The following TBC1D5 variants were observed in gnomAD, a reference collection of about 807,000 sequenced individuals.
The protein encoded by TBC1D5 is TBC1 domain family, member 5.
In TBC1D5, 75 loss-of-function variants were observed where a neutral mutation model predicts 100.3. That is an observed-to-expected ratio of 0.75 (90% CI 0.62 to 0.91). The LOEUF (loss-of-function observed/expected upper bound fraction) is 0.91, where lower values mean the gene tolerates loss of function less well. TBC1D5 is among the 40% of genes least tolerant of loss of function. The probability of loss-of-function intolerance (pLI) is 0.00; values close to 1 mark genes in which losing one functional copy is unlikely to be tolerated. For synonymous variants in TBC1D5, 323 were observed against 325.6 expected (o/e 0.99, Z 0.09); for missense variants, 910 against 942.4 (o/e 0.97, Z 0.45).
At chr3:17,672,372 G>T (rs1480704677) in intron 1 of TBC1D5, among the ~76,000 whole-genome samples, 2 of 152,068 alleles carry the variant, frequency 1.3e-5, no homozygotes, top group African/African-American at 4.8e-5. Context: ...TTAACTGAAA[G>T]AATTATATAC....
chr3:17,638,921 T>C (rs933219230), intron 1 of TBC1D5, among the ~76,000 whole-genome samples: 1 of 152,116 alleles, frequency 6.6e-6, no homozygotes, highest in Non-Finnish European at 1.5e-5. Context: ...AATGGGAGTG[T>C]GTAACAGTAT....
chr3:17,738,347 G>C (rs553723219), intron 1 of TBC1D5, among the ~76,000 whole-genome samples: 1 of 152,078 alleles, frequency 6.6e-6, no homozygotes, highest in Non-Finnish European at 1.5e-5. Flanking sequence ...TCACTTACGT[G>C]ATAGCATTAA....
At chr3:17,273,063 C>A (rs1266634975) in intron 15 of TBC1D5, among the ~76,000 whole-genome samples, 1 of 152,102 alleles carries the variant, frequency 6.6e-6, no homozygotes, top group Non-Finnish European at 1.5e-5. Context: ...TCTGAAAGAG[C>A]ACTTTAATTT....
At chr3:17,473,884 C>T (rs1207643806) in intron 3 of TBC1D5, among the ~76,000 whole-genome samples, 2 of 147,912 alleles carry the variant, frequency 1.4e-5, no homozygotes, top group African/African-American at 5.2e-5. Flanking sequence ...TTAGTTTTTA[C>T]TTTACTTTTT....
At chr3:17,681,283 T>C (rs2069433485) in intron 1 of TBC1D5, among the ~76,000 whole-genome samples, 1 of 151,680 alleles carries the variant, frequency 6.6e-6, no homozygotes, top group Non-Finnish European at 1.5e-5. Context: ...TAAGATTTAT[T>C]GCACAAGAAT....
At chr3:17,596,700 CAAAAAAAAAAAAA>C (rs34625799) in intron 2 of TBC1D5, among the ~76,000 whole-genome samples, 1 of 44,940 alleles carries the variant, frequency 2.2e-5, no homozygotes, top group South Asian at 7.9e-4. Flanking sequence ...GACTCCATCT[CAAAAAAAAAAAAA>C]AAAAAAAAGA....
chr3:17,466,322 A>C (rs2095300979), intron 3 of TBC1D5, among the ~76,000 whole-genome samples: 1 of 152,230 alleles, frequency 6.6e-6, no homozygotes, highest in Non-Finnish European at 1.5e-5. Context: ...CTATGTGCCT[A>C]GATGAAATGC....
chr3:17,178,114 G>A (rs900169634), intron 19 of TBC1D5, among the ~76,000 whole-genome samples: 6 of 143,986 alleles, frequency 4.2e-5, no homozygotes, highest in Non-Finnish European at 8.9e-5. Context: ...CGCCCAGGCT[G>A]GAGTGCAGTG....
At chr3:17,684,311 T>G (rs534798692) in intron 1 of TBC1D5, among the ~76,000 whole-genome samples, 1 of 152,130 alleles carries the variant, frequency 6.6e-6, no homozygotes, top group Non-Finnish European at 1.5e-5. Context: ...ATTCATATAT[T>G]CAATATTTCA....
chr3:17,204,995 G>T (rs1339738502), intron 18 of TBC1D5, among the ~76,000 whole-genome samples: 1 of 152,160 alleles, frequency 6.6e-6, no homozygotes, highest in Admixed American at 6.5e-5. Flanking sequence ...CTGGCAGACA[G>T]ATTGTAAACA....
At chr3:17,718,545 C>T (rs1219126796) in intron 1 of TBC1D5, among the ~76,000 whole-genome samples, 4 of 152,050 alleles carry the variant, frequency 2.6e-5, no homozygotes, top group Non-Finnish European at 5.9e-5. Flanking sequence ...TGCAGTAAGC[C>T]GAGATCGCGC....
At chr3:17,684,405 A>C (rs1315096045) in intron 1 of TBC1D5, among the ~76,000 whole-genome samples, 1 of 152,110 alleles carries the variant, frequency 6.6e-6, no homozygotes, top group Non-Finnish European at 1.5e-5. Context: ...ACTATATTTC[A>C]GTAGCATCTC....
At chr3:17,508,626 G>T in intron 2 of TBC1D5, 21 bp from the exon 3 acceptor site, 1 of 1,195,844 alleles carries the variant, frequency 8.4e-7, no homozygotes, top group South Asian at 1.2e-5. Flanking sequence ...AAAAAATACA[G>T]AGAAAAATAA....
At chr3:17,420,536 A>T (rs758739661) in intron 4 of TBC1D5, among the ~76,000 whole-genome samples, 1 of 152,104 alleles carries the variant, frequency 6.6e-6, no homozygotes, top group Non-Finnish European at 1.5e-5. Flanking sequence ...ATATTGGTGA[A>T]TTTTTTTAAA....
intron 18 of TBC1D5, among the ~76,000 whole-genome samples, chr3:17,198,063 G>A (rs1348916462): frequency 2.0e-5 from 3 of 152,078 alleles, no homozygotes; most frequent in African/African-American, 7.2e-5. Context: ...TTCTGAAGAC[G>A]ACTGTTCAAT....
At chr3:17,447,360 A>T (rs192942773) in intron 3 of TBC1D5, among the ~76,000 whole-genome samples, 57 of 152,324 alleles carry the variant, frequency 3.7e-4, no homozygotes, top group Admixed American at 6.5e-4. Flanking sequence ...AGAAAGATCC[A>T]GTAGAAACAC....
intron 17 of TBC1D5, among the ~76,000 whole-genome samples, chr3:17,217,948 TGAA>T (rs2073850426): frequency 6.6e-6 from 1 of 152,068 alleles, no homozygotes; most frequent in Admixed American, 6.6e-5. Context: ...CCTGAGGTCA[TGAA>T]GATTTACTCA....
At chr3:17,383,649 AT>A (rs1347355839) in intron 9 of TBC1D5, among the ~76,000 whole-genome samples, 2 of 152,052 alleles carry the variant, frequency 1.3e-5, no homozygotes, top group Non-Finnish European at 2.9e-5. Flanking sequence ...GATGCTGTTT[AT>A]AAACAAACTC....
At chr3:17,363,548 T>C (rs1454695169) in intron 13 of TBC1D5, among the ~76,000 whole-genome samples, 1 of 151,872 alleles carries the variant, frequency 6.6e-6, no homozygotes, top group Non-Finnish European at 1.5e-5. Context: ...TTTTTTCTTT[T>C]TTTTCTTTCC....
Sources: gnomAD v4.1 joint callset for allele counts (sites outside exome capture counted in the v4.1 genomes callset) on GRCh38, gnomAD v4.1.1 for gene constraint, MANE v1.5 for transcripts, NCBI Gene and HGNC (gene_info 2026-07-23, HGNC 2026-07-21) for gene names.